ADAMTS7: variants seen among roughly 807,000 people sequenced by gnomAD.
ADAMTS7 encodes the protein ADAM metallopeptidase with thrombospondin type 1 motif 7, also known as A disintegrin and metalloproteinase with thrombospondin motifs 7.
ADAMTS7 carries 89 observed loss-of-function variants against 172.6 expected under a neutral mutation model. The observed-to-expected ratio is 0.52, with a 90% CI of 0.43 to 0.61. ADAMTS7 has a LOEUF of 0.61. Among genes scored for constraint, ADAMTS7 ranks in the 20% least tolerant of loss-of-function variants. ADAMTS7 has a pLI of 0.00. For missense variants in ADAMTS7, 1,973 were observed against 2,355.6 expected (o/e 0.84, Z 3.36); for synonymous variants, 885 against 978.4 (o/e 0.90, Z 1.78).
At chr15:78,791,840 G>T (rs962214062) in intron 4 of ADAMTS7, among the ~76,000 whole-genome samples, 1 of 152,178 alleles carries the variant, frequency 6.6e-6, no homozygotes, top group Admixed American at 6.5e-5. Context: ...TCTATCAGAG[G>T]CCCCATGGCT....
chr15:78,791,111 G>T (rs764021444), intron 5 of ADAMTS7, 29 bp downstream of exon 5: 8 of 1,603,396 alleles, frequency 5.0e-6, no homozygotes, highest in Non-Finnish European at 6.8e-6. Flanking sequence ...AGCCATTGCC[G>T]GGCAGCGTGG....
chr15:78,770,005 T>TA (rs919630507), intron 16 of ADAMTS7, among the ~76,000 whole-genome samples: 2 of 151,578 alleles, frequency 1.3e-5, no homozygotes, highest in Non-Finnish European at 2.9e-5. Flanking sequence ...CTACTAATAA[T>TA]AAAAAAATTA....
In ADAMTS7 at chr15:78,811,350, G is replaced by A. The variant is rs1432495909; in HGVS notation, c.-130C>T. ...GTGCAGCTCCCGGCGACCCGGCCCC[G>A]ACTCCGTTCGGCTGCGCTCGGTCCG... On this transcript the variant is annotated 5_prime_UTR_variant, in exon 1 of 24. Coordinates refer to ENST00000388820, the MANE Select transcript of ADAMTS7 (RefSeq NM_014272.5). 1.8e-6 allele frequency: 2 copies of A among 1,119,234 alleles called. No individual in the cohort carries two copies. Among genetic ancestry groups the A allele is most frequent in the Non-Finnish European group, 2.2e-6 (2 of 890,406 alleles). 69.3% of individuals were successfully genotyped at this position (1,119,234 alleles called of 1,614,324 possible). A position where few individuals can be genotyped will look rare whatever the true frequency, so the allele number is the denominator to read the frequency against.
rs781273311 is a variant in ADAMTS7, at chr15:78,763,971, G to A, written c.4548C>T (p.Cys1516=). The A allele has an allele frequency of 2.1e-5, 33 of 1,548,088 alleles. No individual in the cohort carries two copies. Among genetic ancestry groups the A allele is most frequent in the African/African-American group, 4.1e-5 (3 of 73,850 alleles). The part of the protein sequence containing the change: ...GPAKPPAHRP[C]GAQPCLSWYT... ...ACCAGCTGAGGCAGGGCTGGGCCCC[G>A]CAGGGCCGGTGCGCAGGCGGCTTGG... The change falls in exon 21 of 24, where the codon TGC becomes TGT. Residue 1516 remains cysteine (C), a synonymous_variant. Transcript: ENST00000388820.
chr15:78,772,822 G>A (rs185385014), intron 14 of ADAMTS7, among the ~76,000 whole-genome samples: 1 of 152,042 alleles, frequency 6.6e-6, no homozygotes, highest in East Asian at 1.9e-4. Context: ...CCATTCTTTG[G>A]AAGGCCAAGG....
At chr15:78,794,304 G>T (rs1252925896) in intron 4 of ADAMTS7, among the ~76,000 whole-genome samples, 1 of 152,214 alleles carries the variant, frequency 6.6e-6, no homozygotes, top group East Asian at 1.9e-4. Flanking sequence ...GTTGAACACT[G>T]CACAAAAGGT....
chr15:78,771,249 C>G lies in ADAMTS7; in HGVS notation c.2431G>C (p.Glu811Gln). 6.2e-7 allele frequency: 1 copy of G among 1,612,512 alleles called. No homozygotes were observed. The highest frequency in any genetic ancestry group is 2.2e-5 in the East Asian group (1 of 44,866). The change falls in exon 16 of 24, where the codon GAG (glutamate) becomes CAG (glutamine). Residue 811 changes from glutamate (E) to glutamine (Q), a missense_variant. By Grantham distance (29) the Glu-to-Gln change is conservative. This residue lies in a region of ADAMTS7 where 771 missense variants were observed against 952.6 expected (regional missense o/e 0.81). Coordinates refer to ENST00000388820, the MANE Select transcript of ADAMTS7 (RefSeq NM_014272.5). The surrounding 1 kb of genome is among the most constrained non-coding windows in gnomAD (Gnocchi z 4.9). ...GVHYEYTIHR[E>Q]AGGHDEVPPP... is the part of the protein sequence containing the mutation. ...GGGACCTCGTCGTGGCCACCTGCCTCCCTGTGGATGGTGTACTCGTAGTGC... is the reference window on the plus strand; with the variant it reads ...GGGACCTCGTCGTGGCCACCTGCCTGCCTGTGGATGGTGTACTCGTAGTGC...
intron 23 of ADAMTS7, chr15:78,762,047 C>T (rs2055053372): frequency 1.0e-6 from 1 of 985,390 alleles, no homozygotes; most frequent in Non-Finnish European, 1.2e-6. Flanking sequence ...TTCACACAGC[C>T]TCAGGGACAT....
In ADAMTS7 at chr15:78,764,727, GA is replaced by G; in HGVS notation, c.4267-21del. 1 of 1,481,632 alleles carries G rather than the reference GA, an allele frequency of 6.7e-7. No homozygotes were observed. Among genetic ancestry groups the G allele is most frequent in the African/African-American group, 1.4e-5 (1 of 70,092 alleles). The allele number at this position is 1,481,632 out of a possible 1,614,324, so 91.8% of individuals were successfully genotyped here. A position where few individuals can be genotyped will look rare whatever the true frequency, so the allele number is the denominator to read the frequency against. On this transcript the variant is annotated intron_variant, in intron 19 of 23. Transcript: ENST00000388820. Reference sequence around the variant, plus strand: ...AGAGCACTGCGGGGCAGAGACCCGTGAAAGCCAGGCAGATCCCATCCCCGCC... The same window carrying G: ...AGAGCACTGCGGGGCAGAGACCCGTGAAGCCAGGCAGATCCCATCCCCGCC...
In ADAMTS7 at chr15:78,766,689, C is replaced by T. The variant is rs2055159802; in HGVS notation, c.3222G>A (p.Glu1074=). ...CCTCAGAGGGCCCGTAGGACAGATC[C>T]TCGTGGAAATTGATGAAATTGTAGT... ...YYDYNFINFH[E]DLSYGPSEEP... is the part of the protein sequence containing the mutation. The change falls in exon 19 of 24, where the codon GAG becomes GAA. Residue 1074 remains glutamate (E), a synonymous_variant. Transcript: ENST00000388820. 3 of 1,610,948 alleles carry T rather than the reference C, an allele frequency of 1.9e-6. No individual in the cohort carries two copies. Among genetic ancestry groups the T allele is most frequent in the Middle Eastern group, 2.3e-4 (1 of 4,430 alleles).
At chr15:78,790,868 G>A (rs982316170) in intron 5 of ADAMTS7, 74 bp from the exon 6 acceptor site, 6 of 1,588,366 alleles carry the variant, frequency 3.8e-6, no homozygotes, top group African/African-American at 2.7e-5. Flanking sequence ...TCCCCCATAC[G>A]AAGGCAGGAG....
Position 78,763,751 on chromosome 15 carries a change from C to T in ADAMTS7, c.4688G>A (p.Arg1563Gln), listed in dbSNP as rs768246977. Residue 1563 changes from arginine to glutamine, a missense_variant, in exon 22 of 24, where the codon CGG (arginine) becomes CAG (glutamine). Coordinates refer to ENST00000388820, the MANE Select transcript of ADAMTS7 (RefSeq NM_014272.5). ...CEEALRPNTTRPCNTHPCTQW... is the reference protein window; with the variant it reads ...CEEALRPNTTQPCNTHPCTQW... ...CGTGCAGGGGTGGGTGTTGCAGGGCCGGGTGGTGTTGGGTCTCAGCGCCTC... is the reference window on the plus strand; with the variant it reads ...CGTGCAGGGGTGGGTGTTGCAGGGCTGGGTGGTGTTGGGTCTCAGCGCCTC... The T allele has an allele frequency of 1.3e-5, 20 of 1,597,648 alleles. No homozygotes were observed. Among genetic ancestry groups the T allele is most frequent in the Non-Finnish European group, 1.4e-5 (17 of 1,174,606 alleles).
rs746551096 is a variant in ADAMTS7, at chr15:78,777,587, G to T, written c.1324C>A (p.Arg442Ser). ...TCGTCCAGGCACAGGCCCCACCCAC[G>T]GCTAAAGATGGGACGGGAGGATGGA... The part of the protein sequence containing the change: ...SRQYITRFLD[R>S]GWGLCLDDPP... Residue 442 changes from arginine to serine, a missense_variant and splice_region_variant, in exon 9 of 24, where the codon CGT (arginine) becomes AGT (serine). Arg to Ser is a moderately radical substitution (Grantham distance 110). Around this residue, in one of 8 missense-constraint regions of ADAMTS7, gnomAD observed 526 missense variants for 662.9 expected, o/e 0.79. Coordinates refer to ENST00000388820, the MANE Select transcript of ADAMTS7 (RefSeq NM_014272.5). 38 of 1,603,332 alleles carry T rather than the reference G, an allele frequency of 2.4e-5. No individual in the cohort carries two copies. The highest frequency in any genetic ancestry group is 3.2e-5 in the Non-Finnish European group (38 of 1,175,206).
At chr15:78,802,936 G>A (rs1243279103) in intron 1 of ADAMTS7, among the ~76,000 whole-genome samples, 1 of 152,154 alleles carries the variant, frequency 6.6e-6, no homozygotes, top group Admixed American at 6.5e-5. Context: ...GGTGGAGGTT[G>A]TAGTGAGCCG....
At chr15:78,789,186 G>A (rs2055545896) in intron 7 of ADAMTS7, among the ~76,000 whole-genome samples, 1 of 152,214 alleles carries the variant, frequency 6.6e-6, no homozygotes, top group African/African-American at 2.4e-5. Context: ...CAACAGCCAG[G>A]GCACAGGTGG....
At position 78,768,064 on chromosome 15, in the gene ADAMTS7, C is replaced by T. The variant is rs1313347036; in HGVS notation, c.2645+69G>A. 3.8e-5 allele frequency: 38 copies of T among 1,005,350 alleles called. 3 individuals are homozygous for T. Among genetic ancestry groups the T allele is most frequent in the Middle Eastern group, 6.8e-4 (2 of 2,948 alleles). The allele number at this position is 1,005,350 out of a possible 1,614,324, so 62.3% of individuals were successfully genotyped here. Reference sequence around the variant, plus strand: ...GGCGGGGGATGGGGTGGGGAGTTGGCGGGGGATGGGGGTGGGGAGTTGGCG... The same window carrying T: ...GGCGGGGGATGGGGTGGGGAGTTGGTGGGGGATGGGGGTGGGGAGTTGGCG... On this transcript the variant is annotated intron_variant, in intron 17 of 23. Coordinates refer to ENST00000388820, the MANE Select transcript of ADAMTS7 (RefSeq NM_014272.5).
At chr15:78,807,974 C>T (rs539359740) in intron 1 of ADAMTS7, among the ~76,000 whole-genome samples, 2 of 152,032 alleles carry the variant, frequency 1.3e-5, no homozygotes, top group African/African-American at 4.8e-5. Context: ...CCCACCTCAG[C>T]CTCCCAAATA....
At chr15:78,776,383 C>G in intron 10 of ADAMTS7, 50 bp from the exon 11 acceptor site, 2 of 1,586,002 alleles carry the variant, frequency 1.3e-6, no homozygotes, top group Non-Finnish European at 1.7e-6. Context: ...GTCTATCAGT[C>G]ATCCTCACCC....
intron 8 of ADAMTS7, among the ~76,000 whole-genome samples, chr15:78,782,756 G>C (rs1167783647): frequency 6.6e-6 from 1 of 151,936 alleles, no homozygotes; most frequent in Non-Finnish European, 1.5e-5. Context: ...GGAGTTTCCA[G>C]GGACCCCTCA....
Sources: gnomAD v4.1 joint callset for allele counts (sites outside exome capture counted in the v4.1 genomes callset) on GRCh38, gnomAD v4.1.1 for gene constraint, gnomAD v4.1.1 regional missense constraint, Gnocchi (gnomAD v3.1) non-coding constraint, MANE v1.5 for transcripts, NCBI Gene and HGNC (gene_info 2026-07-23, HGNC 2026-07-21) for gene names.